CAPN1: variants seen among roughly 807,000 people sequenced by gnomAD.
The protein encoded by CAPN1 is calpain-1 catalytic subunit.
CAPN1 carries 77 observed loss-of-function variants against 105.2 expected under a neutral mutation model. The observed-to-expected ratio is 0.73, with a 90% CI of 0.61 to 0.88. The LOEUF (loss-of-function observed/expected upper bound fraction) is 0.88, where lower values mean the gene tolerates loss of function less well. Ranked by LOEUF, CAPN1 falls within the 40% of genes least tolerant of loss-of-function variation. CAPN1 has a pLI of 0.00. For synonymous variants in CAPN1, 355 were observed against 388.8 expected, an observed-to-expected ratio of 0.91 and a Z score of 1.02; for missense variants, 833 against 976.6, an observed-to-expected ratio of 0.85 and a Z score of 1.96.
chr11:65,202,390 A>G, intron 10 of CAPN1, among the ~76,000 whole-genome samples: 1 of 152,316 alleles, frequency 6.6e-6, no homozygotes, highest in Middle Eastern at 3.4e-3. Flanking sequence ...ACTATTAAAT[A>G]TACAATTTAA....
At chr11:65,196,229 T>C (rs1369188244) in intron 10 of CAPN1, among the ~76,000 whole-genome samples, 1 of 151,998 alleles carries the variant, frequency 6.6e-6, no homozygotes, top group Non-Finnish European at 1.5e-5. Flanking sequence ...ATTTGGACTT[T>C]AATCTTCATT....
In CAPN1 at chr11:65,209,464, C is replaced by A; in HGVS notation, c.1794+77C>A. 1 of 1,252,160 alleles carries A rather than the reference C, an allele frequency of 8.0e-7. No homozygotes were observed. The highest frequency in any genetic ancestry group is 1.2e-6 in the Non-Finnish European group (1 of 865,424). 77.6% of individuals were successfully genotyped at this position (1,252,160 alleles called of 1,614,324 possible). Reference sequence around the variant, plus strand: ...CGGTGCTGGGAGAACTGTCCCAGGACAGCACAGAGAACAGGACAGAGCCAT... The same window carrying A: ...CGGTGCTGGGAGAACTGTCCCAGGAAAGCACAGAGAACAGGACAGAGCCAT... On this transcript the variant is annotated intron_variant, in intron 17 of 21. Transcript: ENST00000279247. The surrounding 1 kb of genome is among the most constrained non-coding windows in gnomAD (Gnocchi z 4.1).
At position 65,211,406 on chromosome 11, in the gene CAPN1, G is replaced by A; in HGVS notation, c.*120G>A. The A allele has an allele frequency of 1.1e-6, 1 of 911,814 alleles. No homozygotes were observed. Among genetic ancestry groups the A allele is most frequent in the East Asian group, 2.6e-5 (1 of 38,440 alleles). 56.5% of individuals were successfully genotyped at this position (911,814 alleles called of 1,614,324 possible). A position where few individuals can be genotyped will look rare whatever the true frequency, so the allele number is the denominator to read the frequency against. ...GTGCCTTCCTTGGAGCAGAGAGGCAGCCTCGTCCTCCTGTCCCCTCTCCTC... is the reference window on the plus strand; with the variant it reads ...GTGCCTTCCTTGGAGCAGAGAGGCAACCTCGTCCTCCTGTCCCCTCTCCTC... On this transcript the variant is annotated 3_prime_UTR_variant, in exon 22 of 22. Transcript: ENST00000279247.
chr11:65,189,560 G>T (rs561638937), intron 10 of CAPN1, among the ~76,000 whole-genome samples: 1 of 152,114 alleles, frequency 6.6e-6, no homozygotes, highest in Non-Finnish European at 1.5e-5. Flanking sequence ...AAGCCAGTCC[G>T]TTGAACCCAT....
chr11:65,210,034 T>A lies in CAPN1; in HGVS notation c.1880T>A (p.Phe627Tyr). 2 of 1,613,194 alleles carry A rather than the reference T, an allele frequency of 1.2e-6. No individual in the cohort carries two copies. Among genetic ancestry groups the A allele is most frequent in the Non-Finnish European group, 1.7e-6 (2 of 1,179,862 alleles). The change falls in exon 19 of 22, where the codon TTT becomes TAT. Residue 627 changes from phenylalanine to tyrosine, a missense_variant. Phe to Tyr is a conservative substitution (Grantham distance 22). Transcript: ENST00000279247. This position sits in a 1 kb window ranked among gnomAD's most constrained non-coding sequence, Gnocchi z 4.3. Reference protein sequence around the residue: ...IRNYLSIFRKFDLDKSGSMSA... With the variant: ...IRNYLSIFRKYDLDKSGSMSA... The stretch of plus-strand genomic sequence containing the variant: ...CCACCTCAGTCCATCTTCCGGAAGT[T>A]TGACCTGGACAAGTCGGGCAGCATG...
chr11:65,195,188 C>T (rs1408947015), intron 10 of CAPN1, among the ~76,000 whole-genome samples: 1 of 147,674 alleles, frequency 6.8e-6, no homozygotes, highest in Non-Finnish European at 1.5e-5. Context: ...CAGCTCACTG[C>T]AACCTCTGCC....
rs942939011 is a variant in CAPN1 at position 65,187,070 on chromosome 11, A to C, written c.760-145A>C. 8 of 645,828 alleles carry C rather than the reference A, an allele frequency of 1.2e-5. No individual in the cohort carries two copies. The African/African-American group carries it at 1.4e-4, about 12-fold the overall frequency. 40.0% of individuals were successfully genotyped at this position (645,828 alleles called of 1,614,324 possible). On this transcript the variant is annotated intron_variant, in intron 6 of 21. Coordinates refer to ENST00000279247, the MANE Select transcript of CAPN1 (RefSeq NM_005186.4). The stretch of plus-strand genomic sequence containing the variant: ...GCAGCATCTATATGTGGGGGTGTCT[A>C]TAGGTGGGATCGGGGTCCCTGCTTG...
chr11:65,189,165 A>G (rs566307150), intron 10 of CAPN1, among the ~76,000 whole-genome samples: 1 of 152,082 alleles, frequency 6.6e-6, no homozygotes, highest in Non-Finnish European at 1.5e-5. Context: ...CTGGGATTAC[A>G]GGCACCTACC....
chr11:65,200,788 C>T (rs992200408), intron 10 of CAPN1, among the ~76,000 whole-genome samples: 4 of 151,810 alleles, frequency 2.6e-5, no homozygotes, highest in East Asian at 1.9e-4. Context: ...ACACACCACA[C>T]GCCCAGCTAA....
intron 10 of CAPN1, among the ~76,000 whole-genome samples, chr11:65,200,932 C>CTTTTTTTT (rs56897147): frequency 4.0e-5 from 2 of 49,458 alleles, no homozygotes; most frequent in African/African-American, 1.4e-4. Flanking sequence ...CCATGCCTGG[C>CTTTTTTTT]TTTTTTTTTT....
intron 6 of CAPN1, 27 bp from the exon 7 acceptor site, chr11:65,187,186 CTG>C: frequency 6.3e-7 from 1 of 1,580,880 alleles, no homozygotes; most frequent in Non-Finnish European, 8.7e-7. Context: ...GACCTAGCCA[CTG>C]ACCACAGTGT....
In CAPN1 at chr11:65,188,077, G is replaced by GC; in HGVS notation, c.929+37_929+38insC. 1 of 1,403,170 alleles carries GC rather than the reference G, an allele frequency of 7.1e-7. No individual in the cohort carries two copies. Among genetic ancestry groups the GC allele is most frequent in the Non-Finnish European group, 9.8e-7 (1 of 1,023,762 alleles). 86.9% of individuals were successfully genotyped at this position (1,403,170 alleles called of 1,614,324 possible). ...TGGGCACTGTCTGGAGTGCCTTGGG[G>GC]AAACTGTTAGGTGCCCCGACATTTC... On this transcript the variant is annotated intron_variant, in intron 8 of 21. Transcript: ENST00000279247. This position sits in a 1 kb window ranked among gnomAD's most constrained non-coding sequence, Gnocchi z 5.5.
chr11:65,201,129 A>C (rs1211177661), intron 10 of CAPN1, among the ~76,000 whole-genome samples: 2 of 150,932 alleles, frequency 1.3e-5, no homozygotes, highest in African/African-American at 4.9e-5. Flanking sequence ...TGTTTTTAGT[A>C]GAGATGGGGT....
Position 65,208,435 on chromosome 11 carries a change from C to T in CAPN1, c.1729+173C>T, listed in dbSNP as rs1565422036. 1.5e-6 allele frequency: 1 copy of T among 666,524 alleles called. No homozygotes were observed. The highest frequency in any genetic ancestry group is 2.7e-6 in the Non-Finnish European group (1 of 374,958). The allele number at this position is 666,524 out of a possible 1,614,324, so 41.3% of individuals were successfully genotyped here. On this transcript the variant is annotated intron_variant, in intron 16 of 21. Transcript: ENST00000279247. This position sits in a 1 kb window ranked among gnomAD's most constrained non-coding sequence, Gnocchi z 4.1. ...TTCCATCCCATACTCCTCCTCCTGA[C>T]CTGCCATCCTGATAATCCCTGTGCT...
chr11:65,205,807 C>A, intron 12 of CAPN1, 86 bp downstream of exon 12: 1 of 1,268,970 alleles, frequency 7.9e-7, no homozygotes, highest in Non-Finnish European at 1.2e-6. Flanking sequence ...CCACCCTGGC[C>A]TGGAGAGCTA....
intron 10 of CAPN1, among the ~76,000 whole-genome samples, chr11:65,200,782 A>G (rs545249067): frequency 4.6e-5 from 7 of 151,618 alleles, no homozygotes; most frequent in Non-Finnish European, 8.8e-5. Context: ...AGAGACACAC[A>G]CCACACGCCC....
rs779780560 is a variant in CAPN1 at position 65,206,600 on chromosome 11, GCCCT to G, written c.1494_1497del (p.Ser499ProfsTer64). On this transcript the variant is annotated frameshift_variant, in exon 13 of 22. Coordinates refer to ENST00000279247, the MANE Select transcript of CAPN1 (RefSeq NM_005186.4). LOFTEE classifies it high-confidence loss of function. ...TGCCACCCGGGGAGTATGTGGTGGT[GCCCT>G]CCACCTTCGAGCCCAACAAGGAGGG... 5.6e-6 allele frequency: 9 copies of G among 1,613,318 alleles called. No individual in the cohort carries two copies.
In CAPN1 at chr11:65,209,906, C is replaced by A; in HGVS notation, c.1852C>A (p.Arg618=). 1 of 1,613,644 alleles carries A rather than the reference C, an allele frequency of 6.2e-7. No individual in the cohort carries two copies. Among genetic ancestry groups the A allele is most frequent in the Non-Finnish European group, 8.5e-7 (1 of 1,179,846 alleles). The change falls in exon 18 of 22, where the codon CGG becomes AGG. Residue 618 remains arginine (R), a synonymous_variant. Transcript: ENST00000279247. The surrounding 1 kb of genome is among the most constrained non-coding windows in gnomAD (Gnocchi z 4.1). ...VEFNILWNRI[R]NYLSIFRKFD... is the part of the protein sequence containing the mutation. ...GTTCAACATCCTGTGGAACCGCATCCGGAATTACCTGGTAGGTTGTCCCCA... is the reference window on the plus strand; with the variant it reads ...GTTCAACATCCTGTGGAACCGCATCAGGAATTACCTGGTAGGTTGTCCCCA...
chr11:65,208,277 G>A lies in CAPN1; in HGVS notation c.1729+15G>A, dbSNP rs1590866726. On this transcript the variant is annotated intron_variant, in intron 16 of 21. Transcript: ENST00000279247. This position sits in a 1 kb window ranked among gnomAD's most constrained non-coding sequence, Gnocchi z 4.1. ...CATCAGCAAACGTGAGTCCCCGCGG[G>A]GCTGTCCCACCACCCCACCATTTCT... 6.4e-7 allele frequency: 1 copy of A among 1,554,572 alleles called. No homozygotes were observed. The highest frequency in any genetic ancestry group is 1.7e-4 in the Middle Eastern group (1 of 5,958).
Sources: allele counts gnomAD v4.1 joint callset (sites outside exome capture counted in the v4.1 genomes callset), GRCh38; gene constraint gnomAD v4.1.1; non-coding constraint Gnocchi (gnomAD v3.1); transcripts MANE v1.5; gene names NCBI Gene and HGNC (gene_info 2026-07-23, HGNC 2026-07-21).